The following SH2D4A variants were observed in gnomAD, a reference collection of about 807,000 sequenced individuals.
SH2D4A encodes SH2 domain containing 4A.
Under a neutral mutation model 64.7 loss-of-function variants are expected in SH2D4A, and 70 were observed. The ratio of observed to expected loss-of-function variants is 1.08; its 90% CI spans 0.89 to 1.32. The LOEUF is 1.32. Ranked by LOEUF, SH2D4A falls within the 40% of genes most tolerant of loss-of-function variation. SH2D4A has a pLI of 0.00. For missense variants in SH2D4A, 706 were observed against 540.1 expected (o/e 1.31, Z -3.04); for synonymous variants, 268 against 200.7 (o/e 1.34, Z -2.83).
chr8:19,381,736 G>C (rs1396316766), intron 8 of SH2D4A, among the ~76,000 whole-genome samples: 1 of 152,126 alleles, frequency 6.6e-6, no homozygotes, highest in East Asian at 1.9e-4. Context: ...CCTGATGTTA[G>C]AAGAAATGTC....
At chr8:19,363,832 C>T (rs536979357) in intron 6 of SH2D4A, 6 of 534,894 alleles carry the variant, frequency 1.1e-5, no homozygotes, top group Admixed American at 9.7e-5. Flanking sequence ...TCTTCCTCCT[C>T]TTCCTTTTCT....
intron 7 of SH2D4A, among the ~76,000 whole-genome samples, chr8:19,365,846 C>T (rs2052984597): frequency 6.6e-6 from 1 of 152,120 alleles, no homozygotes; most frequent in Non-Finnish European, 1.5e-5. Flanking sequence ...GCTCGATCTC[C>T]AAGGACTTCC....
At chr8:19,384,330 G>C (rs1457567427) in intron 8 of SH2D4A, among the ~76,000 whole-genome samples, 2 of 152,100 alleles carry the variant, frequency 1.3e-5, no homozygotes, top group Non-Finnish European at 2.9e-5. Flanking sequence ...AAAGAGACAG[G>C]GGTGAGTCTT....
chr8:19,322,178 CTG>C, intron 2 of SH2D4A, among the ~76,000 whole-genome samples: 1 of 152,330 alleles, frequency 6.6e-6, no homozygotes, highest in Non-Finnish European at 1.5e-5. Context: ...TCATCTTGCG[CTG>C]TCTTTGAAGA....
rs750052501 is a variant in SH2D4A at position 19,357,266 on chromosome 8, G to T, written c.577G>T (p.Ala193Ser). ...GGCAGATTCAATCAATCGTATGAAG[G>T]CATATGCATTTCACCAGGTAAAAGA... ...MLADSINRMK[A>S]YAFHQKKESM... Residue 193 changes from alanine to serine, a missense_variant, in exon 5 of 10, where the codon GCA becomes TCA. By Grantham distance (99) the Ala-to-Ser change is moderately conservative. Transcript: ENST00000265807. The T allele has an allele frequency of 1.2e-6, 2 of 1,613,612 alleles. No individual in the cohort carries two copies. Among genetic ancestry groups the T allele is most frequent in the Admixed American group, 1.7e-5 (1 of 60,014 alleles).
chr8:19,364,373 T>TG, intron 7 of SH2D4A, 91 bp downstream of exon 7: 1 of 1,450,732 alleles, frequency 6.9e-7, no homozygotes, highest in South Asian at 1.2e-5. Context: ...TGAGCTGCCA[T>TG]GGGGTGTGGA....
chr8:19,341,301 T>C (rs79837323), intron 4 of SH2D4A, among the ~76,000 whole-genome samples: 1 of 152,158 alleles, frequency 6.6e-6, no homozygotes, highest in Admixed American at 6.5e-5. Context: ...ATTTTAACTC[T>C]AATATCTAAA....
intron 9 of SH2D4A, 75 bp downstream of exon 9, chr8:19,393,616 C>A: frequency 1.4e-6 from 2 of 1,440,114 alleles, no homozygotes; most frequent in South Asian, 1.2e-5. Context: ...ATGACAATTA[C>A]AAAGAAAAGG....
At chr8:19,337,721 C>A (rs1157104454) in intron 4 of SH2D4A, among the ~76,000 whole-genome samples, 1 of 152,156 alleles carries the variant, frequency 6.6e-6, no homozygotes, top group Non-Finnish European at 1.5e-5. Flanking sequence ...AGAGCTTGCG[C>A]AGGGAAATTC....
intron 4 of SH2D4A, among the ~76,000 whole-genome samples, chr8:19,335,813 T>C (rs2052436799): frequency 6.6e-6 from 1 of 152,164 alleles, no homozygotes; most frequent in South Asian, 2.1e-4. Flanking sequence ...GTTCAGATGG[T>C]TTAAAAAACT....
intron 1 of SH2D4A, among the ~76,000 whole-genome samples, chr8:19,316,796 C>A (rs768390686): frequency 3.3e-5 from 5 of 152,188 alleles, no homozygotes; most frequent in Non-Finnish European, 5.9e-5. Context: ...CTGGACTGCC[C>A]GGCTCTGCCG....
chr8:19,335,966 G>C (rs2052439187), intron 4 of SH2D4A, among the ~76,000 whole-genome samples: 1 of 152,182 alleles, frequency 6.6e-6, no homozygotes, highest in Non-Finnish European at 1.5e-5. Flanking sequence ...TGCAGCACTG[G>C]CTGTGTGTGC....
At chr8:19,359,365 A>T (rs1283969791) in intron 5 of SH2D4A, among the ~76,000 whole-genome samples, 2 of 152,178 alleles carry the variant, frequency 1.3e-5, no homozygotes, top group East Asian at 1.9e-4. Flanking sequence ...ATTTTTTCTT[A>T]GGTAGAATCA....
chr8:19,321,406 G>A (rs916099424), intron 2 of SH2D4A, among the ~76,000 whole-genome samples: 1 of 152,104 alleles, frequency 6.6e-6, no homozygotes, highest in African/African-American at 2.4e-5. Context: ...TAGAGGTGGG[G>A]TTTCTCCATG....
chr8:19,375,909 C>T (rs1481119170), intron 8 of SH2D4A, among the ~76,000 whole-genome samples: 2 of 152,112 alleles, frequency 1.3e-5, no homozygotes, highest in Non-Finnish European at 2.9e-5. Flanking sequence ...AAACTCCTCC[C>T]TGTGATCCAC....
At position 19,319,574 on chromosome 8, in the gene SH2D4A, G is replaced by C. The variant is rs373846239; in HGVS notation, c.27G>C (p.Met9Ile). The change falls in exon 2 of 10, where the codon ATG becomes ATC. Residue 9 changes from methionine to isoleucine, a missense_variant. Coordinates refer to ENST00000265807, the MANE Select transcript of SH2D4A (RefSeq NM_022071.4). The part of the protein sequence containing the change: MLKQILSE[M>I]YIDPDLLAEL... ...TGCTGAAACAGATACTGTCGGAGAT[G>C]TACATAGATCCTGATCTACTGGCAG... 5 of 1,585,100 alleles carry C rather than the reference G, an allele frequency of 3.2e-6. No individual in the cohort carries two copies. The highest frequency in any genetic ancestry group is 3.4e-6 in the Non-Finnish European group (4 of 1,168,818).
At chr8:19,354,701 G>C (rs981172306) in intron 4 of SH2D4A, among the ~76,000 whole-genome samples, 4 of 152,228 alleles carry the variant, frequency 2.6e-5, no homozygotes, top group African/African-American at 7.2e-5. Context: ...AGGAATAACT[G>C]AGGGATGGAG....
chr8:19,376,976 A>G (rs1350546737), intron 8 of SH2D4A, among the ~76,000 whole-genome samples: 2 of 152,306 alleles, frequency 1.3e-5, no homozygotes, highest in African/African-American at 4.8e-5. Flanking sequence ...TTTTAAACAC[A>G]AAGTACCAAG....
In SH2D4A at chr8:19,357,247, T is replaced by G; in HGVS notation, c.558T>G (p.Asp186Glu). 1 of 1,614,104 alleles carries G rather than the reference T, an allele frequency of 6.2e-7. No homozygotes were observed. The highest frequency in any genetic ancestry group is 1.6e-4 in the Middle Eastern group (1 of 6,062). Residue 186 changes from aspartate to glutamate, a missense_variant, in exon 5 of 10, where the codon GAT becomes GAG. Physicochemically the swap from Asp to Glu is conservative, Grantham distance 45. Transcript: ENST00000265807. The part of the protein sequence containing the change: ...SSRNIQQMLA[D>E]SINRMKAYAF... ...GAAATATTCAACAAATGTTGGCAGA[T>G]TCAATCAATCGTATGAAGGCATATG...
Sources: gnomAD v4.1 joint callset for allele counts (sites outside exome capture counted in the v4.1 genomes callset) on GRCh38, gnomAD v4.1.1 for gene constraint, MANE v1.5 for transcripts, NCBI Gene and HGNC (gene_info 2026-07-23, HGNC 2026-07-21) for gene names.